Variants in TNS3 observed in about 807,000 individuals in gnomAD.
TNS3 encodes tensin-3.
TNS3 carries 45 observed loss-of-function variants against 140.9 expected under a neutral mutation model. The ratio of observed to expected loss-of-function variants is 0.32; its 90% CI spans 0.25 to 0.41. The LOEUF is 0.41. Among genes scored for constraint, TNS3 ranks in the 10% least tolerant of loss-of-function variants. The pLI, the probability that TNS3 is intolerant of heterozygous loss-of-function variation, is 1.00. For synonymous variants in TNS3, 815 were observed against 788.4 expected, an observed-to-expected ratio of 1.03 and a Z score of -0.56; for missense variants, 1,716 against 1,906.7, an observed-to-expected ratio of 0.90 and a Z score of 1.86.
In TNS3 at chr7:47,292,075, T is replaced by A. The variant is rs369145370; in HGVS notation, c.3851-43A>T. 6 of 1,586,156 alleles carry A rather than the reference T, an allele frequency of 3.8e-6. No homozygotes were observed. The African/African-American group carries it at 8.1e-5, about 21-fold the overall frequency. ...AAAATACAGAAATGAGTCCTGCTCC[T>A]GACCAAGAATCCTCATGACAAAGTT... On this transcript the variant is annotated intron_variant, in intron 26 of 30. Coordinates refer to ENST00000311160, the MANE Select transcript of TNS3 (RefSeq NM_022748.12).
chr7:47,531,788 G>A (rs1014763048), intron 1 of TNS3, among the ~76,000 whole-genome samples: 1 of 152,206 alleles, frequency 6.6e-6, no homozygotes, highest in African/African-American at 2.4e-5. Context: ...TCTGAGTTGG[G>A]GTGGGAACTC....
intron 17 of TNS3, among the ~76,000 whole-genome samples, chr7:47,364,612 G>A (rs907544243): frequency 6.6e-6 from 1 of 152,110 alleles, no homozygotes; most frequent in Non-Finnish European, 1.5e-5. Context: ...TGCCATGCAG[G>A]CTGTTCAGAG....
At chr7:47,565,935 T>C (rs1474063611) in intron 1 of TNS3, among the ~76,000 whole-genome samples, 2 of 152,324 alleles carry the variant, frequency 1.3e-5, no homozygotes, top group African/African-American at 4.8e-5. Context: ...CCAGCCACAG[T>C]CTGATGGCAT....
chr7:47,403,554 A>G (rs1005249164), intron 13 of TNS3: 1 of 152,194 alleles, frequency 6.6e-6, no homozygotes, highest in Non-Finnish European at 1.5e-5. Flanking sequence ...TTGAGATCCT[A>G]ACGGCCTCAT....
intron 20 of TNS3, among the ~76,000 whole-genome samples, chr7:47,341,338 TG>T (rs1297413573): frequency 6.6e-6 from 1 of 152,218 alleles, no homozygotes; most frequent in African/African-American, 2.4e-5. Context: ...TTTACATGTT[TG>T]GTAGAATTAT....
intron 20 of TNS3, among the ~76,000 whole-genome samples, chr7:47,308,361 T>C (rs1398310647): frequency 6.6e-6 from 1 of 152,208 alleles, no homozygotes; most frequent in African/African-American, 2.4e-5. Context: ...CTTAACTTTT[T>C]GAACACATTA....
intron 16 of TNS3, among the ~76,000 whole-genome samples, chr7:47,387,850 A>G (rs1422400223): frequency 6.6e-6 from 1 of 152,230 alleles, no homozygotes; most frequent in Non-Finnish European, 1.5e-5. Flanking sequence ...AAGCATGTTC[A>G]TGTGAGGAAG....
chr7:47,388,874 G>GA (rs954004897), intron 16 of TNS3, among the ~76,000 whole-genome samples: 7 of 140,496 alleles, frequency 5.0e-5, no homozygotes, highest in African/African-American at 1.6e-4. Flanking sequence ...CTCAAAGAAA[G>GA]AAAAAAAAGA....
intron 4 of TNS3, among the ~76,000 whole-genome samples, chr7:47,477,719 A>G (rs890956757): frequency 3.9e-5 from 6 of 152,180 alleles, no homozygotes; most frequent in African/African-American, 1.4e-4. Flanking sequence ...AAGCAATTCC[A>G]TGCCCATCCA....
chr7:47,466,066 T>A (rs68140522), intron 4 of TNS3, among the ~76,000 whole-genome samples: 33,091 of 151,994 alleles, frequency 0.22, 3,762 homozygotes, highest in Non-Finnish European at 0.25. Context: ...CTGCCATACG[T>A]GTTTTGGGGT....
rs377468598 is a variant in TNS3, at chr7:47,314,731, C to G, written c.2651-9728G>C. The stretch of plus-strand genomic sequence containing the variant: ...GGTGCCTGTATCCTCAGCTCTGTAC[C>G]TAGAAGAGCCCAGGAGATGGCCCGG... On this transcript the variant is annotated intron_variant, in intron 20 of 30. Transcript: ENST00000311160. Among the ~76,000 whole-genome samples, 44 of 152,276 alleles carry G rather than the reference C, an allele frequency of 2.9e-4. No homozygotes were observed. In the South Asian group the frequency reaches 9.1e-3, roughly 32 times the overall value.
In TNS3 at chr7:47,303,055, A is replaced by T. The variant is rs765144097; in HGVS notation, c.3352T>A (p.Ser1118Thr). ...CTGTGCGGGCTGGAGAAGCCACTGG[A>T]GGAGGGAGAGACTGAGCCCAAAGAA... ...DRSLGSVSPSSSGFSSPHSGS... is the reference protein window; with the variant it reads ...DRSLGSVSPSTSGFSSPHSGS... The change falls in exon 22 of 31, where the codon TCC (serine) becomes ACC (threonine). Residue 1118 changes from serine to threonine, a missense_variant. Ser to Thr is a moderately conservative substitution (Grantham distance 58). Transcript: ENST00000311160. The T allele has an allele frequency of 1.9e-6, 3 of 1,613,962 alleles. No individual in the cohort carries two copies. In the South Asian group the frequency reaches 3.3e-5, roughly 18 times the overall value.
At chr7:47,419,153 C>T (rs1019643040) in intron 10 of TNS3, among the ~76,000 whole-genome samples, 1 of 152,244 alleles carries the variant, frequency 6.6e-6, no homozygotes, top group African/African-American at 2.4e-5. Context: ...GTTGCATGGA[C>T]ATAAGGGTCA....
At chr7:47,467,108 T>C (rs1796751613) in intron 4 of TNS3, among the ~76,000 whole-genome samples, 1 of 152,352 alleles carries the variant, frequency 6.6e-6, no homozygotes, top group South Asian at 2.1e-4. Flanking sequence ...CTAACAGCTA[T>C]TACAACCTGG....
At chr7:47,522,419 G>C (rs578105317) in intron 2 of TNS3, among the ~76,000 whole-genome samples, 10 of 152,250 alleles carry the variant, frequency 6.6e-5, no homozygotes, top group African/African-American at 2.2e-4. Context: ...CTGCTCTGAT[G>C]ATGGGGGCTT....
intron 1 of TNS3, among the ~76,000 whole-genome samples, chr7:47,554,428 AC>A (rs869144636): frequency 6.6e-5 from 3 of 45,384 alleles, no homozygotes; most frequent in Non-Finnish European, 7.3e-5. Context: ...AAAAAAAAAA[AC>A]AAAAAAAAAA....
chr7:47,478,411 T>TACACAC (rs10531755), intron 4 of TNS3, among the ~76,000 whole-genome samples: 1 of 148,882 alleles, frequency 6.7e-6, no homozygotes, highest in African/African-American at 2.5e-5. Flanking sequence ...CTCAGGGAAA[T>TACACAC]ACACACACAC....
At chr7:47,373,740 G>C (rs929385528) in intron 16 of TNS3, among the ~76,000 whole-genome samples, 7 of 152,226 alleles carry the variant, frequency 4.6e-5, no homozygotes, top group Non-Finnish European at 1.0e-4. Flanking sequence ...TGCATTTCTA[G>C]CATTAGTGAA....
intron 16 of TNS3, among the ~76,000 whole-genome samples, chr7:47,395,473 T>C (rs1792774761): frequency 6.6e-6 from 1 of 152,236 alleles, no homozygotes; most frequent in African/African-American, 2.4e-5. Flanking sequence ...CAGACGTTAC[T>C]GGAAAAAGAG....
Sources: gnomAD v4.1 joint callset for allele counts (sites outside exome capture counted in the v4.1 genomes callset) on GRCh38, gnomAD v4.1.1 for gene constraint, MANE v1.5 for transcripts, NCBI Gene and HGNC (gene_info 2026-07-23, HGNC 2026-07-21) for gene names.